Variants in GALNT16 observed in about 807,000 individuals in gnomAD.
GALNT16 encodes UDP-GalNAc:polypeptide N-acetylgalactosaminyltransferase-like protein 1.
Under a neutral mutation model 76.1 loss-of-function variants are expected in GALNT16, and 40 were observed. The observed-to-expected ratio is 0.53, with a 90% CI of 0.41 to 0.68. The LOEUF (loss-of-function observed/expected upper bound fraction) is 0.68, where lower values mean the gene tolerates loss of function less well. GALNT16 is among the 30% of genes least tolerant of loss of function. The pLI, the probability that GALNT16 is intolerant of heterozygous loss-of-function variation, is 0.00. For synonymous variants in GALNT16, 276 were observed against 285.2 expected (o/e 0.97, Z 0.32); for missense variants, 621 against 731.9 (o/e 0.85, Z 1.75).
chr14:69,326,247 T>C (rs562736324), intron 5 of GALNT16, among the ~76,000 whole-genome samples: 1 of 152,324 alleles, frequency 6.6e-6, no homozygotes, highest in Non-Finnish European at 1.5e-5. Flanking sequence ...GCCTTAGCTG[T>C]CTCTCCTGAG....
chr14:69,308,109 C>T (rs901982741), intron 1 of GALNT16, among the ~76,000 whole-genome samples: 2 of 152,144 alleles, frequency 1.3e-5, no homozygotes, highest in Non-Finnish European at 2.9e-5. Context: ...CGGACGGTAC[C>T]TCGGCCCTCA....
rs143322842 is a variant in GALNT16 at position 69,347,136 on chromosome 14, A to G, written c.1368A>G (p.Gly456=). 2 of 1,613,594 alleles carry G rather than the reference A, an allele frequency of 1.2e-6. No individual in the cohort carries two copies. Among genetic ancestry groups the G allele is most frequent in the African/African-American group, 2.7e-5 (2 of 74,890 alleles). Residue 456 remains glycine, a synonymous_variant, in exon 13 of 15, where the codon GGA becomes GGG. Coordinates refer to ENST00000448469, the MANE Select transcript of GALNT16 (RefSeq NM_001168368.2). ...ACACAGCTGGTGACTTCCTGCTTGG[A>G]ATGGGGATCTGCAGAGGGTCTGCCA... is the stretch of plus-strand genomic sequence containing the variant. The part of the protein sequence containing the change: ...GQNTAGDFLL[G]MGICRGSAKN...
At chr14:69,363,759 C>A in the GALNT16 span, among the ~76,000 whole-genome samples, 25 of 152,170 alleles carry the variant, frequency 1.6e-4, no homozygotes, top group African/African-American at 5.8e-4. Context: ...TAACCCCAGT[C>A]CTAACCCTGG....
chr14:69,296,255 G>T (rs2044758238), intron 1 of GALNT16, among the ~76,000 whole-genome samples: 2 of 151,950 alleles, frequency 1.3e-5, no homozygotes, highest in Admixed American at 1.3e-4. Flanking sequence ...CAAGGGGGAT[G>T]GTGTTAAACT....
At chr14:69,262,710 C>T (rs937204239) in intron 1 of GALNT16, among the ~76,000 whole-genome samples, 1 of 147,186 alleles carries the variant, frequency 6.8e-6, no homozygotes, top group Non-Finnish European at 1.5e-5. Context: ...CCAGCACTGA[C>T]CCCCCCGTCA....
intron 1 of GALNT16, among the ~76,000 whole-genome samples, chr14:69,292,313 C>G (rs1404148408): frequency 1.3e-5 from 2 of 152,198 alleles, no homozygotes; most frequent in Non-Finnish European, 2.9e-5. Flanking sequence ...CATGCTGGAC[C>G]ACATCTTTGT....
In GALNT16 at chr14:69,325,421, C is replaced by CT. The variant is rs771554491; in HGVS notation, c.502+22dup. 85 of 1,438,904 alleles carry CT rather than the reference C, an allele frequency of 5.9e-5. No individual in the cohort carries two copies. Among genetic ancestry groups the CT allele is most frequent in the Admixed American group, 1.2e-4 (7 of 59,814 alleles). 89.1% of individuals were successfully genotyped at this position (1,438,904 alleles called of 1,614,324 possible). The stretch of plus-strand genomic sequence containing the variant: ...GCTCAGATCGTGAGTAGTCACCTTC[C>CT]TTTTTGCAGCCCTCCATTCCGCCCT... On this transcript the variant is annotated intron_variant, in intron 4 of 14. Coordinates refer to ENST00000448469, the MANE Select transcript of GALNT16 (RefSeq NM_001168368.2).
intron 1 of GALNT16, among the ~76,000 whole-genome samples, chr14:69,319,545 G>C (rs558010838): frequency 6.6e-6 from 1 of 152,396 alleles, no homozygotes; most frequent in South Asian, 2.1e-4. Context: ...TGTACCCACA[G>C]TTGATGATAT....
At chr14:69,360,683 A>G (rs1594877680), downstream of GALNT16, among the ~76,000 whole-genome samples, 2 of 152,184 alleles carry the variant, frequency 1.3e-5, no homozygotes, top group South Asian at 4.1e-4. Flanking sequence ...AAAAGGAAAG[A>G]AAAAAGAAAA....
intron 1 of GALNT16, among the ~76,000 whole-genome samples, chr14:69,315,315 T>C (rs1311341186): frequency 1.3e-5 from 2 of 152,238 alleles, no homozygotes; most frequent in African/African-American, 4.8e-5. Flanking sequence ...GATTGACCTA[T>C]TGGACACGGA....
chr14:69,284,337 G>A, intron 1 of GALNT16, among the ~76,000 whole-genome samples: 1 of 152,204 alleles, frequency 6.6e-6, no homozygotes, highest in African/African-American at 2.4e-5. Context: ...CTCAGGAGCT[G>A]CACACAGATA....
At chr14:69,347,004 G>C in intron 12 of GALNT16, 36 bp from the exon 13 acceptor site, 1 of 1,613,612 alleles carries the variant, frequency 6.2e-7, no homozygotes, top group Non-Finnish European at 8.5e-7. Context: ...GCCTTGGGGG[G>C]GAAAGCACAA....
intron 2 of GALNT16, among the ~76,000 whole-genome samples, chr14:69,324,390 T>C (rs1147467): frequency 0.63 from 94,966 of 151,352 alleles, 30,285 homozygotes; most frequent in East Asian, 0.9. Context: ...TGGTGCAGTA[T>C]CTGTATATAC....
intron 1 of GALNT16, among the ~76,000 whole-genome samples, chr14:69,292,248 A>G (rs1186562610): frequency 2.0e-5 from 3 of 152,254 alleles, no homozygotes; most frequent in Non-Finnish European, 4.4e-5. Flanking sequence ...AGTGAGTGGC[A>G]GAGCCGGGAC....
chr14:69,286,228 G>T (rs528473742), intron 1 of GALNT16, among the ~76,000 whole-genome samples: 1 of 152,100 alleles, frequency 6.6e-6, no homozygotes, highest in South Asian at 2.1e-4. Flanking sequence ...TTTCTGGAAT[G>T]ATATTACTGC....
At chr14:69,384,474 C>T in the GALNT16 span, among the ~76,000 whole-genome samples, 3 of 152,326 alleles carry the variant, frequency 2.0e-5, no homozygotes, top group Admixed American at 2.0e-4. Context: ...CTCTTAACCA[C>T]AGCCTCCCAA....
intron 1 of GALNT16, among the ~76,000 whole-genome samples, chr14:69,279,856 G>T (rs1197608731): frequency 6.6e-6 from 1 of 152,222 alleles, no homozygotes; most frequent in Non-Finnish European, 1.5e-5. Context: ...ATAAGACTGG[G>T]CTGTTGGGGG....
At chr14:69,274,772 AG>A (rs1203176389) in intron 1 of GALNT16, among the ~76,000 whole-genome samples, 1 of 152,218 alleles carries the variant, frequency 6.6e-6, no homozygotes, top group African/African-American at 2.4e-5. Flanking sequence ...GGAGGACGGC[AG>A]GGATAGAAGC....
intron 1 of GALNT16, among the ~76,000 whole-genome samples, chr14:69,280,387 T>G (rs2044524628): frequency 6.6e-6 from 1 of 152,238 alleles, no homozygotes; most frequent in African/African-American, 2.4e-5. Flanking sequence ...TTTTTAAGGC[T>G]GAATAATAAA....
Sources: allele counts gnomAD v4.1 joint callset (sites outside exome capture counted in the v4.1 genomes callset), GRCh38; gene constraint gnomAD v4.1.1; transcripts MANE v1.5; gene names NCBI Gene and HGNC (gene_info 2026-07-23, HGNC 2026-07-21).